SRPK2: variants seen among roughly 807,000 people sequenced by gnomAD.
SRPK2 encodes the protein SFRS protein kinase 2.
SRPK2 carries 21 observed loss-of-function variants against 90.8 expected under a neutral mutation model. The observed-to-expected ratio is 0.23, with a 90% CI of 0.16 to 0.33. SRPK2 has a LOEUF of 0.33. Ranked by LOEUF, SRPK2 falls within the 10% of genes least tolerant of loss-of-function variation. The pLI, the probability that SRPK2 is intolerant of heterozygous loss-of-function variation, is 1.00. For synonymous variants in SRPK2, 288 were observed against 311.1 expected, an observed-to-expected ratio of 0.93 and a Z score of 0.78; for missense variants, 620 against 869.0, an observed-to-expected ratio of 0.71 and a Z score of 3.60.
intron 7 of SRPK2, among the ~76,000 whole-genome samples, chr7:105,152,239 T>A (rs1805800499): frequency 1.3e-5 from 2 of 151,956 alleles, no homozygotes; most frequent in African/African-American, 4.8e-5. Flanking sequence ...AACCTCCACC[T>A]ACTGGGTTCA....
intron 7 of SRPK2, among the ~76,000 whole-genome samples, chr7:105,158,268 T>C (rs549268996): frequency 0.025 from 3,763 of 151,468 alleles, 142 homozygotes; most frequent in South Asian, 0.13. Flanking sequence ...TTTTTTTTTT[T>C]CCCTGAGATG....
At chr7:105,331,300 C>G (rs1311534951) in intron 2 of SRPK2, among the ~76,000 whole-genome samples, 53 of 73,916 alleles carry the variant, frequency 7.2e-4, no homozygotes, top group African/African-American at 4.3e-3. Context: ...CAGAGCGAGA[C>G]TCCGTCTCAA....
chr7:105,310,908 C>T (rs114194419), intron 2 of SRPK2, among the ~76,000 whole-genome samples: 88 of 152,148 alleles, frequency 5.8e-4, no homozygotes, highest in African/African-American at 2.0e-3. Context: ...AAGCCAAATC[C>T]ACCCTTCCAC....
chr7:105,169,560 C>G (rs979482228), intron 3 of SRPK2, among the ~76,000 whole-genome samples: 13 of 152,062 alleles, frequency 8.5e-5, no homozygotes, highest in Admixed American at 6.6e-4. Flanking sequence ...AATCCAGTCT[C>G]TACGAAAAAT....
At chr7:105,298,021 T>C (rs1410856574) in intron 2 of SRPK2, among the ~76,000 whole-genome samples, 1 of 152,226 alleles carries the variant, frequency 6.6e-6, no homozygotes, top group Non-Finnish European at 1.5e-5. Flanking sequence ...ATGACAGGCG[T>C]GAGCCACCAC....
At chr7:105,361,702 C>G (rs796339979) in intron 2 of SRPK2, among the ~76,000 whole-genome samples, 1 of 152,092 alleles carries the variant, frequency 6.6e-6, no homozygotes, top group African/African-American at 2.4e-5. Context: ...TTTGACAAAC[C>G]TGACAAAAAC....
intron 2 of SRPK2, among the ~76,000 whole-genome samples, chr7:105,318,375 G>T (rs370339053): frequency 6.6e-6 from 1 of 152,330 alleles, no homozygotes; most frequent in African/African-American, 2.4e-5. Context: ...GATGACAGGC[G>T]TGAGCCACTG....
At chr7:105,265,923 G>A in intron 2 of SRPK2, among the ~76,000 whole-genome samples, 1 of 151,878 alleles carries the variant, frequency 6.6e-6, no homozygotes, top group Middle Eastern at 3.4e-3. Flanking sequence ...TGGTTATGCT[G>A]AGTTTTTTTC....
chr7:105,268,237 TGCA>T (rs762098173), intron 2 of SRPK2, among the ~76,000 whole-genome samples: 1 of 152,222 alleles, frequency 6.6e-6, no homozygotes, highest in Non-Finnish European at 1.5e-5. Flanking sequence ...CATTACTGCA[TGCA>T]GTGACTGTTC....
Position 105,136,288 on chromosome 7 carries a change from T to C in SRPK2, c.1544-3184A>G, listed in dbSNP as rs115749087. Reference sequence around the variant, plus strand: ...GCTTTTCTTTCTTTTCTCAGTATGATAGTTCCTGAACTAAGGTACCAGACT... The same window carrying C: ...GCTTTTCTTTCTTTTCTCAGTATGACAGTTCCTGAACTAAGGTACCAGACT... On this transcript the variant is annotated intron_variant, in intron 11 of 15. Transcript: ENST00000393651. Among the ~76,000 whole-genome samples, 687 of 152,344 alleles carry C rather than the reference T, an allele frequency of 4.5e-3. 10 individuals are homozygous for C. The highest frequency in any genetic ancestry group is 0.016 in the African/African-American group (660 of 41,580).
At position 105,139,517 on chromosome 7, in the gene SRPK2, A is replaced by T. The variant is rs144417303; in HGVS notation, c.1543+2491T>A. On this transcript the variant is annotated intron_variant, in intron 11 of 15. Transcript: ENST00000393651. Reference sequence around the variant, plus strand: ...GTAGCAGGTTGGCAGGGAAAGTTGTATTCTGGTTTTGGACATGTAAGGTTT... The same window carrying T: ...GTAGCAGGTTGGCAGGGAAAGTTGTTTTCTGGTTTTGGACATGTAAGGTTT... Among the ~76,000 whole-genome samples the T allele has an allele frequency of 5.1e-3, 784 of 152,300 alleles. 6 individuals carry two copies. Among genetic ancestry groups the T allele is most frequent in the Non-Finnish European group, 8.3e-3 (566 of 68,022 alleles).
At chr7:105,131,697 C>T (rs1189110366) in intron 13 of SRPK2, among the ~76,000 whole-genome samples, 1 of 152,112 alleles carries the variant, frequency 6.6e-6, no homozygotes, top group Non-Finnish European at 1.5e-5. Flanking sequence ...ACAGTAAATT[C>T]AAGAAAATTG....
chr7:105,200,720 TG>T (rs2129609326), intron 3 of SRPK2, among the ~76,000 whole-genome samples: 1 of 152,320 alleles, frequency 6.6e-6, no homozygotes, highest in Admixed American at 6.5e-5. Context: ...ATCACTACTG[TG>T]GCATCCCAAA....
chr7:105,206,694 T>A (rs1796271250), intron 2 of SRPK2, among the ~76,000 whole-genome samples: 1 of 152,208 alleles, frequency 6.6e-6, no homozygotes, highest in African/African-American at 2.4e-5. Flanking sequence ...AAGTAGCTAG[T>A]TCAAACTGAG....
chr7:105,219,151 C>A (rs1233031800), intron 2 of SRPK2, among the ~76,000 whole-genome samples: 3 of 152,120 alleles, frequency 2.0e-5, no homozygotes, highest in African/African-American at 4.8e-5. Context: ...TCGGCGCATA[C>A]TTCCCACACT....
chr7:105,277,602 A>T (rs899938927), intron 2 of SRPK2, among the ~76,000 whole-genome samples: 1 of 152,224 alleles, frequency 6.6e-6, no homozygotes, highest in South Asian at 2.1e-4. Context: ...TGCTAAGGCC[A>T]GTCTAGCCTT....
At chr7:105,236,338 A>C (rs1585293620) in intron 2 of SRPK2, among the ~76,000 whole-genome samples, 1 of 152,128 alleles carries the variant, frequency 6.6e-6, no homozygotes, top group East Asian at 1.9e-4. Flanking sequence ...ATTTATTCTA[A>C]TATGTATTTT....
intron 2 of SRPK2, among the ~76,000 whole-genome samples, chr7:105,258,472 C>CA (rs1425660240): frequency 5.5e-5 from 8 of 146,190 alleles, no homozygotes; most frequent in East Asian, 4.0e-4. Flanking sequence ...GCAAATGTGA[C>CA]AAAAAAACAC....
intron 7 of SRPK2, among the ~76,000 whole-genome samples, chr7:105,147,131 C>T (rs766739420): frequency 6.6e-5 from 10 of 152,082 alleles, no homozygotes; most frequent in Non-Finnish European, 1.2e-4. Flanking sequence ...TTTTCTCTAG[C>T]TTACTTTGTT....
Sources: allele counts gnomAD v4.1 joint callset (sites outside exome capture counted in the v4.1 genomes callset), GRCh38; gene constraint gnomAD v4.1.1; transcripts MANE v1.5; gene names NCBI Gene and HGNC (gene_info 2026-07-23, HGNC 2026-07-21).